SH3BP5: variants seen among roughly 807,000 people sequenced by gnomAD.
SH3BP5 encodes SH3 domain-binding protein 5.
Under a neutral mutation model 43.3 loss-of-function variants are expected in SH3BP5, and 22 were observed. The ratio of observed to expected loss-of-function variants is 0.51; its 90% CI spans 0.36 to 0.73. The LOEUF (loss-of-function observed/expected upper bound fraction) is 0.73. SH3BP5 is among the 30% of genes least tolerant of loss of function. The pLI is 0.00. For missense variants in SH3BP5, 529 were observed against 586.9 expected (o/e 0.90, Z 1.02); for synonymous variants, 255 against 225.8 (o/e 1.13, Z -1.16).
chr3:15,328,965 G>A (rs562563973), intron 2 of SH3BP5, among the ~76,000 whole-genome samples: 1 of 152,030 alleles, frequency 6.6e-6, no homozygotes, highest in Non-Finnish European at 1.5e-5. Flanking sequence ...ACTGAGAAAT[G>A]GAATTTTTAG....
In SH3BP5 at chr3:15,269,576, T is replaced by TA. The variant is rs1292951524; in HGVS notation, c.495+136dup. On this transcript the variant is annotated intron_variant, in intron 4 of 8. Coordinates refer to ENST00000383791, the MANE Select transcript of SH3BP5 (RefSeq NM_004844.5). ...CGTACCAAGCGCAGCCAAGAGATCA[T>TA]ACGGAGATGACAACCTGTGATTTTC... 8 of 910,984 alleles carry TA rather than the reference T, an allele frequency of 8.8e-6. No homozygotes were observed. In the African/African-American group the frequency reaches 1.3e-4, roughly 15 times the overall value. 56.4% of individuals were successfully genotyped at this position (910,984 alleles called of 1,614,324 possible).
At chr3:15,259,574 G>A (rs1036903172) in intron 6 of SH3BP5, 187 bp downstream of exon 6, 1 of 701,376 alleles carries the variant, frequency 1.4e-6, no homozygotes, top group Admixed American at 2.2e-5. Flanking sequence ...CTGAATGGCA[G>A]TTACAGAGGT....
chr3:15,284,173 A>G (rs1697203380), intron 3 of SH3BP5, among the ~76,000 whole-genome samples: 1 of 152,180 alleles, frequency 6.6e-6, no homozygotes, highest in Non-Finnish European at 1.5e-5. Flanking sequence ...TGAAGCTTAC[A>G]AGACTGACTC....
intron 3 of SH3BP5, among the ~76,000 whole-genome samples, chr3:15,299,482 G>C (rs951006476): frequency 1.2e-4 from 13 of 108,518 alleles, no homozygotes; most frequent in Non-Finnish European, 2.5e-4. Flanking sequence ...TCAACAATTA[G>C]ATTTTTTTTT....
intron 3 of SH3BP5, among the ~76,000 whole-genome samples, chr3:15,274,516 C>T (rs1002124788): frequency 2.6e-5 from 4 of 151,990 alleles, no homozygotes; most frequent in African/African-American, 9.7e-5. Context: ...TTGTCTGAGA[C>T]TGAATCTCAC....
At chr3:15,272,510 A>C (rs1476801907) in intron 3 of SH3BP5, among the ~76,000 whole-genome samples, 1 of 151,962 alleles carries the variant, frequency 6.6e-6, no homozygotes, top group Non-Finnish European at 1.5e-5. Context: ...GGGGGACAGA[A>C]GGAAGGATTT....
At chr3:15,305,075 CCACTG>C (rs1697863824) in intron 2 of SH3BP5, among the ~76,000 whole-genome samples, 1 of 151,634 alleles carries the variant, frequency 6.6e-6, no homozygotes, top group Non-Finnish European at 1.5e-5. Context: ...CGAGATCGTG[CCACTG>C]CACTGCAGCC....
At chr3:15,303,728 T>C (rs1024970329) in intron 3 of SH3BP5, among the ~76,000 whole-genome samples, 2 of 151,018 alleles carry the variant, frequency 1.3e-5, no homozygotes, top group Non-Finnish European at 2.9e-5. Context: ...GAACCGATGT[T>C]TCAAGAGAAG....
chr3:15,322,871 G>GT (rs1339509340), intron 2 of SH3BP5, among the ~76,000 whole-genome samples: 1 of 152,094 alleles, frequency 6.6e-6, no homozygotes, highest in African/African-American at 2.4e-5. Context: ...GCCGGGCGCA[G>GT]TAGCTCACGC....
chr3:15,261,273 T>C (rs922927154), intron 5 of SH3BP5, among the ~76,000 whole-genome samples: 8 of 152,368 alleles, frequency 5.3e-5, no homozygotes, highest in African/African-American at 7.2e-5. Context: ...TGTGTACATA[T>C]GTATGTTGGA....
At chr3:15,304,951 C>T (rs1300467884) in intron 2 of SH3BP5, among the ~76,000 whole-genome samples, 1 of 151,518 alleles carries the variant, frequency 6.6e-6, no homozygotes, top group Non-Finnish European at 1.5e-5. Flanking sequence ...AAGCCCGTCT[C>T]TACTAAAAAT....
chr3:15,255,049 TTAAC>T lies in SH3BP5; in HGVS notation c.*1033_*1036del, dbSNP rs1284796169. On this transcript the variant is annotated 3_prime_UTR_variant, in exon 9 of 9. Coordinates refer to ENST00000383791, the MANE Select transcript of SH3BP5 (RefSeq NM_004844.5). Reference sequence around the variant, plus strand: ...TTTCTTTTAGAAATGCTAAATTTTCTTAACAAGACAAAAATACAGTGCTCTAAAT... The same window carrying T: ...TTTCTTTTAGAAATGCTAAATTTTCTAAGACAAAAATACAGTGCTCTAAAT... The T allele has an allele frequency of 1.3e-5, 2 of 152,506 alleles. No homozygotes were observed. 9.4% of individuals were successfully genotyped at this position (152,506 alleles called of 1,614,324 possible).
chr3:15,332,047 G>A (rs1698623598), intron 1 of SH3BP5: 3 of 641,384 alleles, frequency 4.7e-6, no homozygotes, highest in Non-Finnish European at 7.6e-6. Context: ...CGGGTCGGCG[G>A]GGGACTCCCC....
intron 2 of SH3BP5, among the ~76,000 whole-genome samples, chr3:15,311,222 C>G (rs1404180651): frequency 1.3e-5 from 2 of 152,210 alleles, no homozygotes; most frequent in Non-Finnish European, 2.9e-5. Flanking sequence ...AGACACACAA[C>G]AACCCTGTAA....
At chr3:15,269,647 C>CGCTCA in intron 4 of SH3BP5, 66 bp downstream of exon 4, 1 of 1,458,568 alleles carries the variant, frequency 6.9e-7, no homozygotes, top group South Asian at 1.4e-5. Flanking sequence ...CTGTTACCTC[C>CGCTCA]GCTCAGGGGA....
chr3:15,255,050 TAACAA>T lies in SH3BP5; in HGVS notation c.*1031_*1035del, dbSNP rs906716352. On this transcript the variant is annotated 3_prime_UTR_variant, in exon 9 of 9. Transcript: ENST00000383791. ...TTCTTTTAGAAATGCTAAATTTTCT[TAACAA>T]GACAAAAATACAGTGCTCTAAATAT... 2 of 152,564 alleles carry T rather than the reference TAACAA, an allele frequency of 1.3e-5. No individual in the cohort carries two copies. Among genetic ancestry groups the T allele is most frequent in the African/African-American group, 4.8e-5 (2 of 41,458 alleles). The allele number at this position is 152,564 out of a possible 1,614,324, so 9.5% of individuals were successfully genotyped here.
intron 3 of SH3BP5, among the ~76,000 whole-genome samples, chr3:15,284,210 C>T (rs1164176475): frequency 6.6e-6 from 1 of 152,162 alleles, no homozygotes; most frequent in East Asian, 1.9e-4. Context: ...TGATGGGAAC[C>T]CACAGTTTGA....
chr3:15,306,380 G>C (rs944327805), intron 2 of SH3BP5, among the ~76,000 whole-genome samples: 3 of 151,948 alleles, frequency 2.0e-5, no homozygotes, highest in South Asian at 2.1e-4. Flanking sequence ...CAAAAAACTA[G>C]CTGGGCATGG....
In SH3BP5 at chr3:15,332,347, C is replaced by G. The variant is rs765630509; in HGVS notation, c.62G>C (p.Arg21Pro). The change falls in exon 1 of 9, where the codon CGG becomes CCG. Residue 21 changes from arginine (R) to proline (P), a missense_variant. Physicochemically the swap from Arg to Pro is moderately radical, Grantham distance 103. Around this residue, in one of 3 missense-constraint regions of SH3BP5, gnomAD observed 75 missense variants for 61.8 expected, o/e 1.21. Coordinates refer to ENST00000383791, the MANE Select transcript of SH3BP5 (RefSeq NM_004844.5). ...CTCTTCCTCCTCCTCCTCCTCGTCC[C>G]GGGCAGGCGGCAGGATTTCGGCTGG... is the stretch of plus-strand genomic sequence containing the variant. ...EEPAEILPPA[R>P]DEEEEEEEGM... The G allele has an allele frequency of 3.9e-6, 6 of 1,542,534 alleles. No individual in the cohort carries two copies. In the Middle Eastern group the frequency reaches 6.7e-4, roughly 171 times the overall value.
Sources: allele counts gnomAD v4.1 joint callset (sites outside exome capture counted in the v4.1 genomes callset), GRCh38; gene constraint gnomAD v4.1.1; regional missense constraint gnomAD v4.1.1; transcripts MANE v1.5; gene names NCBI Gene and HGNC (gene_info 2026-07-23, HGNC 2026-07-21).